NEB: variants seen among roughly 807,000 people sequenced by gnomAD.
NEB encodes the protein nemaline myopathy type 2.
In NEB, 512 loss-of-function variants were observed where a neutral mutation model predicts 952.2. That is an observed-to-expected ratio of 0.54 (90% CI 0.50 to 0.58). The LOEUF is 0.58. NEB is among the 20% of genes least tolerant of loss of function. The pLI, the probability that NEB is intolerant of heterozygous loss-of-function variation, is 0.00. For synonymous variants in NEB, 2,900 were observed against 3,149.8 expected (o/e 0.92, Z 2.66); for missense variants, 8,428 against 9,231.1 (o/e 0.91, Z 3.56).
rs758327681 is a variant in NEB at position 151,492,209 on chromosome 2, G to C, written c.24946C>G (p.Arg8316Gly). ...TPVVTDPITE[R>G]VKKNMQDFSD... is the part of the protein sequence containing the mutation. ...AAGTCCTGCATGTTCTTCTTTACTC[G>C]TTCAGTGATAGGATCTGTCACCACT... Residue 8316 changes from arginine to glycine, a missense_variant, in exon 178 of 182, where the codon CGA (arginine) becomes GGA (glycine). Arg to Gly is a moderately radical substitution (Grantham distance 125). Coordinates refer to ENST00000397345, the MANE Select transcript of NEB (RefSeq NM_001164508.2). The C allele has an allele frequency of 6.2e-7, 1 of 1,613,744 alleles. No homozygotes were observed. Among genetic ancestry groups the C allele is most frequent in the East Asian group, 2.2e-5 (1 of 44,872 alleles).
At chr2:151,542,591 C>T (rs1204499638) in intron 135 of NEB, among the ~76,000 whole-genome samples, 1 of 152,118 alleles carries the variant, frequency 6.6e-6, no homozygotes, top group Non-Finnish European at 1.5e-5. Context: ...CTTATTCCTA[C>T]ATCAAAATGG....
rs754556124 is a variant in NEB, at chr2:151,627,070, T to C, written c.10279A>G (p.Lys3427Glu). 10 of 1,613,986 alleles carry C rather than the reference T, an allele frequency of 6.2e-6. No individual in the cohort carries two copies. In the South Asian group the frequency reaches 1.1e-4, roughly 18 times the overall value. The change falls in exon 70 of 182, where the codon AAA becomes GAA. Residue 3427 changes from lysine to glutamate, a missense_variant. Around this residue, in one of 11 missense-constraint regions of NEB, gnomAD observed 1,772 missense variants for 1,960.3 expected, o/e 0.90. Transcript: ENST00000397345. ...AGAGAGTCAGTCACACTGGTAAATT[T>C]CAGCTTGTCCGGAGGCTGGCGGTAG... ...NIYRQPPDKLKFTSVTDSLEQ... is the reference protein window; with the variant it reads ...NIYRQPPDKLEFTSVTDSLEQ...
rs1304076614 is a variant in NEB at position 151,691,537 on chromosome 2, G to A, written c.2211+327C>T. Reference sequence around the variant, plus strand: ...TTTCTCTGTCTTTCTCAGCACCAAGGAAAGTGCCTGGCCCAGCATGGCTTC... The same window carrying A: ...TTTCTCTGTCTTTCTCAGCACCAAGAAAAGTGCCTGGCCCAGCATGGCTTC... On this transcript the variant is annotated intron_variant, in intron 23 of 181. Coordinates refer to ENST00000397345, the MANE Select transcript of NEB (RefSeq NM_001164508.2). Among the ~76,000 whole-genome samples the A allele has an allele frequency of 4.6e-5, 7 of 152,156 alleles. No homozygotes were observed. In the South Asian group the frequency reaches 1.0e-3, roughly 23 times the overall value.
At chr2:151,634,462 T>C (rs2098719835) in intron 64 of NEB, among the ~76,000 whole-genome samples, 2 of 151,928 alleles carry the variant, frequency 1.3e-5, no homozygotes, top group East Asian at 1.9e-4. Flanking sequence ...GCTAATATGG[T>C]GAAACCTCGT....
chr2:151,516,569 G>T lies in NEB; in HGVS notation c.22801-6C>A. ...TACTTTTCTTTGTATTTCACCTGGT[G>T]ATAGAAAGCCATGTTAGATATCTCT... On this transcript the variant is annotated splice_region_variant and splice_polypyrimidine_tract_variant and intron_variant, in intron 156 of 181. Transcript: ENST00000397345. 6.3e-7 allele frequency: 1 copy of T among 1,576,426 alleles called. No individual in the cohort carries two copies.
intron 9 of NEB, among the ~76,000 whole-genome samples, chr2:151,719,129 A>G (rs2099767259): frequency 6.6e-6 from 1 of 152,142 alleles, no homozygotes; most frequent in South Asian, 2.1e-4. Context: ...GTCAGATGAC[A>G]CTGTAATTTT....
chr2:151,731,351 TAAGTTA>T (rs1196094705), intron 3 of NEB, among the ~76,000 whole-genome samples: 4 of 152,218 alleles, frequency 2.6e-5, no homozygotes, highest in Admixed American at 6.5e-5. Context: ...TTTTCAAGTT[TAAGTTA>T]GAGTAGAGAG....
chr2:151,709,162 T>A (rs544761884), intron 12 of NEB, among the ~76,000 whole-genome samples: 27 of 152,332 alleles, frequency 1.8e-4, no homozygotes, highest in African/African-American at 6.3e-4. Context: ...GACCAGGTTT[T>A]TTCATAGTCA....
chr2:151,655,441 T>A, intron 50 of NEB, 67 bp from the exon 51 acceptor site: 11 of 849,984 alleles, frequency 1.3e-5, no homozygotes, highest in Non-Finnish European at 2.0e-5. Flanking sequence ...AAAATATGTA[T>A]TTATATATTA....
chr2:151,618,592 G>A, intron 73 of NEB, 114 bp from the exon 74 acceptor site: 1 of 1,065,054 alleles, frequency 9.4e-7, no homozygotes, highest in Non-Finnish European at 1.4e-6. Flanking sequence ...AAGGTTCCTA[G>A]CATAGTCATT....
At chr2:151,717,289 T>A in intron 10 of NEB, 127 bp downstream of exon 10, 1 of 716,766 alleles carries the variant, frequency 1.4e-6, no homozygotes. Flanking sequence ...TCTTTGGGGA[T>A]CATATGTAAA....
Position 151,606,646 on chromosome 2 carries a change from T to G in NEB, c.12707A>C (p.Glu4236Ala). Residue 4236 changes from glutamate (E) to alanine (A), a missense_variant, in exon 84 of 182, where the codon GAA (glutamate) becomes GCA (alanine). By Grantham distance (107) the Glu-to-Ala change is moderately radical (BLOSUM62 -1). Around this residue, in one of 11 missense-constraint regions of NEB, gnomAD observed 14 missense variants for 46.4 expected, o/e 0.30. Coordinates refer to ENST00000397345, the MANE Select transcript of NEB (RefSeq NM_001164508.2). The part of the protein sequence containing the change: ...KGYDIRADAI[E>A]IKHAKASREI... ...TCTGGAGGCCTTGGCGTGCTTGATT[T>G]CAATGGCATCTGCCCTTATGTCATA... The G allele has an allele frequency of 2.9e-5, 27 of 945,584 alleles. 10 individuals carry two copies. The highest frequency in any genetic ancestry group is 4.0e-5 in the Non-Finnish European group (27 of 673,438). The allele number at this position is 945,584 out of a possible 1,614,324, so 58.6% of individuals were successfully genotyped here.
chr2:151,595,493 G>A (rs1291420294), intron 92 of NEB, among the ~76,000 whole-genome samples: 13 of 144,936 alleles, frequency 9.0e-5, no homozygotes, highest in African/African-American at 2.7e-4. Context: ...GGCTGGTCTC[G>A]AACTCCTGAC....
Position 151,706,505 on chromosome 2 carries a change from A to G in NEB, c.1152+376T>C, listed in dbSNP as rs2099706890. ...TTTTAAGTTCTGTTGTTGGCAAATGATGGTTTCTGGGGCCAAGATCTATCT... is the reference window on the plus strand; with the variant it reads ...TTTTAAGTTCTGTTGTTGGCAAATGGTGGTTTCTGGGGCCAAGATCTATCT... On this transcript the variant is annotated intron_variant, in intron 13 of 181. Transcript: ENST00000397345. Among the ~76,000 whole-genome samples, 4 of 152,142 alleles carry G rather than the reference A, an allele frequency of 2.6e-5. No homozygotes were observed. In the South Asian group the frequency reaches 8.3e-4, roughly 31 times the overall value.
rs773017505 is a variant in NEB at position 151,725,543 on chromosome 2, C to T, written c.312G>A (p.Lys104=). ...DLFSPNKYKE[K]FEKTKGQPYA... is the part of the protein sequence containing the mutation. The stretch of plus-strand genomic sequence containing the variant: ...ATGGCTGTCCTTTTGTTTTCTCAAA[C>T]TTCTCCTTGTATTTATTCTGAAAAG... The change falls in exon 6 of 182, where the codon AAG becomes AAA. Residue 104 remains lysine, a synonymous_variant. Transcript: ENST00000397345. 2 of 1,613,416 alleles carry T rather than the reference C, an allele frequency of 1.2e-6. No individual in the cohort carries two copies. The highest frequency in any genetic ancestry group is 1.1e-5 in the South Asian group (1 of 91,068).
intron 114 of NEB, among the ~76,000 whole-genome samples, chr2:151,566,715 G>C (rs2096415809): frequency 6.6e-6 from 1 of 152,112 alleles, no homozygotes; most frequent in African/African-American, 2.4e-5. Flanking sequence ...TTTCTCTTTT[G>C]CTTTGCGAAC....
chr2:151,617,412 A>G lies in NEB; in HGVS notation c.11133T>C (p.Asp3711=), dbSNP rs547109690. 414 of 1,569,888 alleles carry G rather than the reference A, an allele frequency of 2.6e-4. 6 individuals carry two copies. In the South Asian group the frequency reaches 4.5e-3, roughly 17 times the overall value. Residue 3711 remains aspartate, a synonymous_variant, in exon 75 of 182, where the codon GAT becomes GAC. Coordinates refer to ENST00000397345, the MANE Select transcript of NEB (RefSeq NM_001164508.2). ...NDKKTIHVMP[D]TPEIMLAKLN... Reference sequence around the variant, plus strand: ...GTTTGGCTAACATGATTTCTGGTGTATCAGGCATGACATGAATAGTTTTCT... The same window carrying G: ...GTTTGGCTAACATGATTTCTGGTGTGTCAGGCATGACATGAATAGTTTTCT...
At chr2:151,625,672 AAC>A (rs776025636) in intron 70 of NEB, 34 bp from the exon 71 acceptor site, 1 of 1,443,654 alleles carries the variant, frequency 6.9e-7, no homozygotes, top group East Asian at 2.3e-5. Flanking sequence ...GAATTAGAAA[AAC>A]AGTTTGTTGT....
At position 151,540,680 on chromosome 2, in the gene NEB, C is replaced by T. The variant is rs568355799; in HGVS notation, c.20787+17G>A. On this transcript the variant is annotated intron_variant, in intron 137 of 181. Transcript: ENST00000397345. The stretch of plus-strand genomic sequence containing the variant: ...TTTCTTTTTACCCAGTGCCTCAGTG[C>T]TGAATTCCCATCTTACCTCACTGAC... 1 of 1,604,122 alleles carries T rather than the reference C, an allele frequency of 6.2e-7. No homozygotes were observed. Among genetic ancestry groups the T allele is most frequent in the South Asian group, 1.1e-5 (1 of 90,818 alleles).
Sources: gnomAD v4.1 joint callset for allele counts (sites outside exome capture counted in the v4.1 genomes callset) on GRCh38, gnomAD v4.1.1 for gene constraint, gnomAD v4.1.1 regional missense constraint, MANE v1.5 for transcripts, NCBI Gene and HGNC (gene_info 2026-07-23, HGNC 2026-07-21) for gene names.